Variants in FAM9A observed in about 807,000 individuals in gnomAD.
The protein encoded by FAM9A is protein FAM9A.
In FAM9A, 49 loss-of-function variants were observed where a neutral mutation model predicts 25.0. The observed-to-expected ratio is 1.96, with a 90% CI of 1.56 to 2.48. FAM9A has a LOEUF of 2.48. Ranked by LOEUF, FAM9A falls within the 30% of genes most tolerant of loss-of-function variation. FAM9A has a pLI of 0.00. For missense variants in FAM9A, 266 were observed against 249.3 expected (o/e 1.07, Z -0.45); for synonymous variants, 80 against 85.1 (o/e 0.94, Z 0.33).
At position 8,793,739 on chromosome X, in the gene FAM9A, T is replaced by C. The variant is rs769063235; in HGVS notation, c.849A>G (p.Lys283=). ...CTGTAGGTTGTTGCCACCTCTTCTG[T>C]TTTTCTTGAAATGCTTTCTAGAAGC... ...EEEQIKAFQE[K]QKRWQQPTGV... The change falls in exon 8 of 10, where the codon AAA becomes AAG. Residue 283 remains lysine, a synonymous_variant. Transcript: ENST00000381003. The C allele has an allele frequency of 8.3e-7, 1 of 1,207,920 alleles. No individual in the cohort carries two copies. The highest frequency in any genetic ancestry group is 1.8e-5 in the South Asian group (1 of 56,247).
chrX:8,792,859 T>C (rs1255274145), intron 8 of FAM9A, among the ~76,000 whole-genome samples: 1 of 112,381 alleles, frequency 8.9e-6, no homozygotes, highest in East Asian at 2.8e-4. Context: ...ACCTAAATAA[T>C]GTACATCTAC....
intron 6 of FAM9A, 92 bp downstream of exon 6, chrX:8,796,176 A>G (rs1431775852): frequency 2.9e-6 from 2 of 687,445 alleles, no homozygotes; most frequent in Non-Finnish European, 4.4e-6. Flanking sequence ...TAGAGACGCC[A>G]ATATGTACAG....
chrX:8,791,393 T>G lies in FAM9A; in HGVS notation c.931-14A>C. On this transcript the variant is annotated splice_polypyrimidine_tract_variant and intron_variant, in intron 8 of 9. Coordinates refer to ENST00000381003, the MANE Select transcript of FAM9A (RefSeq NM_174951.3). The stretch of plus-strand genomic sequence containing the variant: ...GTCCTTGGCAGCCTAAAAGAAAAAG[T>G]CTAGTTCACTGACAAACCACCACTT... The G allele has an allele frequency of 8.5e-7, 1 of 1,173,251 alleles. No individual in the cohort carries two copies. Among genetic ancestry groups the G allele is most frequent in the Non-Finnish European group, 1.2e-6 (1 of 868,508 alleles).
intron 5 of FAM9A, among the ~76,000 whole-genome samples, chrX:8,797,289 C>T (rs1161060299): frequency 1.8e-5 from 2 of 111,408 alleles, no homozygotes; most frequent in Non-Finnish European, 3.8e-5. Flanking sequence ...TTGTCTCCGC[C>T]GTCTCTACAG....
In FAM9A at chrX:8,800,106, C is replaced by G. The variant is rs750466951; in HGVS notation, c.66G>C (p.Thr22=). The G allele has an allele frequency of 3.3e-6, 4 of 1,209,158 alleles. No individual in the cohort carries two copies. Among genetic ancestry groups the G allele is most frequent in the Non-Finnish European group, 4.5e-6 (4 of 894,385 alleles). Residue 22 remains threonine, a synonymous_variant, in exon 2 of 10, where the codon ACG becomes ACC. Transcript: ENST00000381003. ...AAKAQLEAQV[T]AAQGATKEGS... ...CTTCTTTCGTGGCCCCCTGGGCGGC[C>G]GTAACTTGAGCTTCCAACTGAGCTT...
intron 2 of FAM9A, among the ~76,000 whole-genome samples, 178 bp from the exon 3 acceptor site, chrX:8,799,272 C>A (rs1428894608): frequency 9.0e-6 from 1 of 111,429 alleles, no homozygotes; most frequent in African/African-American, 3.3e-5. Flanking sequence ...CCCGTCCAGC[C>A]CCTCCCTGGG....
Position 8,795,158 on chromosome X carries a change from C to A in FAM9A, c.751G>T (p.Glu251Ter). The A allele has an allele frequency of 3.9e-6, 4 of 1,025,012 alleles. No homozygotes were observed. The highest frequency in any genetic ancestry group is 5.3e-6 in the Non-Finnish European group (4 of 748,365). 84.5% of individuals were successfully genotyped at this position (1,025,012 alleles called of 1,213,427 possible). ...EEEGGGEEGEEGGGGGEGEET... is the reference protein window; with the variant it reads ...EEEGGGEEGE The stretch of plus-strand genomic sequence containing the variant: ...TCTCCTTCTCCTCCTCCTCCTCCTT[C>A]TTCTCCTTCTTCTCCTCCTCCTTCT... The change falls in exon 7 of 10, where the codon GAA (glutamate) becomes TAA (stop). Residue 251 changes from glutamate to a stop codon, truncating the protein, a stop_gained. Coordinates refer to ENST00000381003, the MANE Select transcript of FAM9A (RefSeq NM_174951.3). LOFTEE classifies it high-confidence loss of function.
intron 5 of FAM9A, among the ~76,000 whole-genome samples, chrX:8,797,813 T>C (rs1212896407): frequency 4.5e-5 from 5 of 111,365 alleles, no homozygotes; most frequent in Non-Finnish European, 7.5e-5. Context: ...CTGATATATA[T>C]ACTTAATCTG....
chrX:8,800,048 G>A (rs758623133), intron 2 of FAM9A, 33 bp downstream of exon 2: 10 of 1,197,593 alleles, frequency 8.4e-6, no homozygotes, highest in African/African-American at 1.8e-5. Context: ...CCCCCGCGCA[G>A]AGAGCAAACA....
chrX:8,791,470 T>C, intron 8 of FAM9A, 91 bp from the exon 9 acceptor site: 4 of 652,473 alleles, frequency 6.1e-6, no homozygotes, highest in Non-Finnish European at 8.9e-6. Context: ...GAAACAGCTT[T>C]TAATATTCAA....
In FAM9A at chrX:8,795,197, C is replaced by T. The variant is rs1482766838; in HGVS notation, c.712G>A (p.Glu238Lys). Reference protein sequence around the residue: ...EEEEEKEEEEEEGEEEGGGEE... With the variant: ...EEEEEKEEEEKEGEEEGGGEE... The stretch of plus-strand genomic sequence containing the variant: ...CCTCCTCCTTCTTCTTCTCCTTCTT[C>T]TTCCTCCTCTTCTTTCTCCTCCTCC... The change falls in exon 7 of 10, where the codon GAA becomes AAA. Residue 238 changes from glutamate (E) to lysine (K), a missense_variant. Transcript: ENST00000381003. 4 of 1,041,350 alleles carry T rather than the reference C, an allele frequency of 3.8e-6. No individual in the cohort carries two copies. The highest frequency in any genetic ancestry group is 1.9e-5 in the African/African-American group (1 of 52,064). 85.8% of individuals were successfully genotyped at this position (1,041,350 alleles called of 1,213,427 possible). A position where few individuals can be genotyped will look rare whatever the true frequency, so the allele number is the denominator to read the frequency against.
At position 8,799,035 on chromosome X, in the gene FAM9A, G is replaced by A. The variant is rs1602070931; in HGVS notation, c.151C>T (p.Arg51Cys). Residue 51 changes from arginine (R) to cysteine (C), a missense_variant, in exon 3 of 10, where the codon CGC (arginine) becomes TGC (cysteine). Arg to Cys is a radical substitution (Grantham distance 180). Coordinates refer to ENST00000381003, the MANE Select transcript of FAM9A (RefSeq NM_174951.3). The stretch of plus-strand genomic sequence containing the variant: ...TGAGCTTTGGCAGCCTTCCTGCTGC[G>A]CTTCCTGCCCACGGGCTCCATGGTT... ...QPTMEPVGRK[R>C]SRKAAKAQLE... The A allele has an allele frequency of 8.3e-7, 1 of 1,211,486 alleles. No individual in the cohort carries two copies. The highest frequency in any genetic ancestry group is 1.7e-5 in the African/African-American group (1 of 57,655).
In FAM9A at chrX:8,794,964, G is replaced by A. The variant is rs767513324; in HGVS notation, c.831+114C>T. 3 of 1,072,986 alleles carry A rather than the reference G, an allele frequency of 2.8e-6. No individual in the cohort carries two copies. The South Asian group carries it at 7.7e-5, about 28-fold the overall frequency. 88.4% of individuals were successfully genotyped at this position (1,072,986 alleles called of 1,213,427 possible). ...CCCTAGTACATGAGTCCACTTATGG[G>A]CCCCCCTCTCTGGGCTCATGCTCTC... On this transcript the variant is annotated intron_variant, in intron 7 of 9. Transcript: ENST00000381003.
chrX:8,799,185 G>A, intron 2 of FAM9A, 91 bp from the exon 3 acceptor site: 1 of 1,008,339 alleles, frequency 9.9e-7, no homozygotes, highest in African/African-American at 1.9e-5. Context: ...GAAAGGGTGG[G>A]GCTGGCCCAC....
Position 8,798,962 on chromosome X carries a change from T to C in FAM9A, c.220+4A>G. On this transcript the variant is annotated splice_donor_region_variant and intron_variant, in intron 3 of 9. Transcript: ENST00000381003. ...TCTTTTCTGGCCCCTTGGGCTGTGT[T>C]TACCTGTGTGCTTCTTCGCCGGGGC... 1 of 1,212,588 alleles carries C rather than the reference T, an allele frequency of 8.2e-7. No homozygotes were observed. The highest frequency in any genetic ancestry group is 1.1e-6 in the Non-Finnish European group (1 of 895,638).
intron 5 of FAM9A, among the ~76,000 whole-genome samples, chrX:8,797,625 C>A (rs1413300357): frequency 9.0e-6 from 1 of 110,804 alleles, no homozygotes; most frequent in Non-Finnish European, 1.9e-5. Flanking sequence ...ACAAAAGACA[C>A]CTGGGCCTAC....
intron 2 of FAM9A, among the ~76,000 whole-genome samples, chrX:8,799,807 A>C: frequency 3.3e-5 from 1 of 30,107 alleles, no homozygotes; most frequent in African/African-American, 1.5e-4. Context: ...TCCCCACTGC[A>C]CACATCCACA....
At chrX:8,801,228 C>T (rs979745813) in intron 1 of FAM9A, 83 bp downstream of exon 1, 16 of 109,202 alleles carry the variant, frequency 1.5e-4, no homozygotes, top group African/African-American at 4.7e-4. Flanking sequence ...CTCCCTACCG[C>T]GAGCGCTTCA....
In FAM9A at chrX:8,795,200, C is replaced by G. The variant is rs1569104089; in HGVS notation, c.709G>C (p.Glu237Gln). 5 of 1,051,452 alleles carry G rather than the reference C, an allele frequency of 4.8e-6. No homozygotes were observed. The highest frequency in any genetic ancestry group is 6.5e-6 in the Non-Finnish European group (5 of 774,266). 86.7% of individuals were successfully genotyped at this position (1,051,452 alleles called of 1,213,427 possible). ...CCTCCTTCTTCTTCTCCTTCTTCTTCCTCCTCTTCTTTCTCCTCCTCCTCC... is the reference window on the plus strand; with the variant it reads ...CCTCCTTCTTCTTCTCCTTCTTCTTGCTCCTCTTCTTTCTCCTCCTCCTCC... The part of the protein sequence containing the change: ...KEEEEEKEEE[E>Q]EEGEEEGGGE... Residue 237 changes from glutamate to glutamine, a missense_variant, in exon 7 of 10, where the codon GAA (glutamate) becomes CAA (glutamine). Coordinates refer to ENST00000381003, the MANE Select transcript of FAM9A (RefSeq NM_174951.3).
Sources: allele counts gnomAD v4.1 joint callset (sites outside exome capture counted in the v4.1 genomes callset), GRCh38; gene constraint gnomAD v4.1.1; transcripts MANE v1.5; gene names NCBI Gene and HGNC (gene_info 2026-07-23, HGNC 2026-07-21).